Variants in FAM83A observed in about 807,000 individuals in gnomAD.
The protein encoded by FAM83A is protein FAM83A.
A neutral mutation model predicts 24.4 loss-of-function variants in FAM83A; 21 were observed. That is an observed-to-expected ratio of 0.86 (90% CI 0.61 to 1.24). The LOEUF is 1.24. Among genes scored for constraint, FAM83A ranks in the 50% most tolerant of loss-of-function variants. FAM83A has a pLI of 0.00. For synonymous variants in FAM83A, 270 were observed against 252.4 expected (o/e 1.07, Z -0.66); for missense variants, 617 against 579.8 (o/e 1.06, Z -0.66).
chr8:123,207,230 G>A, exon 4 of FAM83A: 2 of 1,612,508 alleles, frequency 1.2e-6, no homozygotes, highest in South Asian at 2.2e-5. Flanking sequence ...GGAGCTGTTT[G>A]ACGAGGAGTT....
chr8:123,184,866 T>G (rs1338487332), intron 1 of FAM83A, among the ~76,000 whole-genome samples: 1 of 152,222 alleles, frequency 6.6e-6, no homozygotes, highest in Non-Finnish European at 1.5e-5. Context: ...AACATGCTGA[T>G]GTTTGGGTTG....
Position 123,209,612 on chromosome 8 carries a change from G to T in FAM83A, c.*1924G>T. On this transcript the variant is annotated 3_prime_UTR_variant, in exon 4 of 4. Coordinates refer to ENST00000690554, the Ensembl canonical transcript of FAM83A. The surrounding 1 kb of genome is among the most constrained non-coding windows in gnomAD (Gnocchi z 4.7). ...CATCTGCTGAGAAAGTTTAAGGAAG[G>T]CAAAGCTTGCCAGGTCACAGAAGCT... is the stretch of plus-strand genomic sequence containing the variant. 3 of 1,566,526 alleles carry T rather than the reference G, an allele frequency of 1.9e-6. No homozygotes were observed. In the Admixed American group the frequency reaches 5.3e-5, roughly 27 times the overall value.
chr8:123,187,232 G>A (rs1475139108), intron 1 of FAM83A, among the ~76,000 whole-genome samples: 2 of 152,186 alleles, frequency 1.3e-5, no homozygotes, highest in Non-Finnish European at 2.9e-5. Context: ...AGGAATAGAG[G>A]CTGTCGGGGC....
chr8:123,183,307 G>A (rs143357945), exon 1 of FAM83A: 47 of 1,612,532 alleles, frequency 2.9e-5, no homozygotes, highest in Non-Finnish European at 3.7e-5. Context: ...CAGAGACCTC[G>A]TCCGCCGCTG....
At chr8:123,204,215 C>T (rs1161409616) in intron 3 of FAM83A, among the ~76,000 whole-genome samples, 5 of 151,808 alleles carry the variant, frequency 3.3e-5, no homozygotes, top group African/African-American at 1.2e-4. Context: ...GAGTTCAAGA[C>T]CAGTCTGGGC....
At chr8:123,203,586 CAAAAAA>C (rs1187426797) in intron 3 of FAM83A, among the ~76,000 whole-genome samples, 237 of 41,170 alleles carry the variant, frequency 5.8e-3, no homozygotes, top group African/African-American at 0.016. Flanking sequence ...AGATCTGTCT[CAAAAAA>C]AAAAAAAAAA....
At chr8:123,183,641 CTCTT>C (rs1246264069) in intron 1 of FAM83A, among the ~76,000 whole-genome samples, 3 of 151,510 alleles carry the variant, frequency 2.0e-5, no homozygotes, top group South Asian at 2.1e-4. Context: ...GGCTTTTCCT[CTCTT>C]TCTTTTTTTT....
chr8:123,208,002 G>A (rs1428354733), exon 4 of FAM83A: 1 of 1,160,086 alleles, frequency 8.6e-7, no homozygotes, highest in African/African-American at 1.6e-5. Context: ...TAATATTAAT[G>A]GCCCCCAAAA....
chr8:123,207,803 A>C, exon 4 of FAM83A: 2 of 1,401,160 alleles, frequency 1.4e-6, no homozygotes, highest in Non-Finnish European at 9.2e-7. Context: ...AGACACTCAA[A>C]ATCACTGCCA....
chr8:123,191,653 G>A (rs1046935457), intron 1 of FAM83A, 150 bp from the exon 2 acceptor site: 2 of 774,156 alleles, frequency 2.6e-6, no homozygotes, highest in South Asian at 1.7e-5. Flanking sequence ...CATTAATCCT[G>A]CCCAGTCAGA....
At chr8:123,205,999 T>C (rs1478193260) in intron 3 of FAM83A, among the ~76,000 whole-genome samples, 1 of 151,640 alleles carries the variant, frequency 6.6e-6, no homozygotes, top group Non-Finnish European at 1.5e-5. Context: ...AAAAATTAGC[T>C]GGGCGTGGTG....
chr8:123,181,172 C>A (rs1257977464), upstream of FAM83A, among the ~76,000 whole-genome samples: 1 of 152,142 alleles, frequency 6.6e-6, no homozygotes, highest in African/African-American at 2.4e-5. Context: ...GTCTTGAACT[C>A]CTGACCTCAA....
chr8:123,209,192 G>A lies in FAM83A; in HGVS notation c.*1504G>A, dbSNP rs562692216. ...CTCTCCTCCCTTGTCGGTTTTTGGC[G>A]GGGAAGCTCAGCCTTCGCTGTGGAG... On this transcript the variant is annotated 3_prime_UTR_variant, in exon 4 of 4. Transcript: ENST00000690554. The surrounding 1 kb of genome is among the most constrained non-coding windows in gnomAD (Gnocchi z 4.7). The A allele has an allele frequency of 2.2e-5, 25 of 1,148,974 alleles. 1 individual carries two copies. The highest frequency in any genetic ancestry group is 1.8e-4 in the South Asian group (5 of 28,518). 71.2% of individuals were successfully genotyped at this position (1,148,974 alleles called of 1,614,324 possible).
At chr8:123,187,415 G>A (rs59628816) in intron 1 of FAM83A, among the ~76,000 whole-genome samples, 4,513 of 152,226 alleles carry the variant, frequency 0.03, 211 homozygotes, top group African/African-American at 0.099. Context: ...GCAGATTCAC[G>A]CAGAAGCGGC....
At chr8:123,207,658 G>A in exon 4 of FAM83A, 3 of 1,531,944 alleles carry the variant, frequency 2.0e-6, no homozygotes, top group South Asian at 1.2e-5. Flanking sequence ...CAACCTGGAG[G>A]CCCTTCCTGC....
intron 3 of FAM83A, among the ~76,000 whole-genome samples, chr8:123,194,714 C>G (rs1824090323): frequency 6.6e-6 from 1 of 152,204 alleles, no homozygotes; most frequent in Non-Finnish European, 1.5e-5. Context: ...AAACTCCTGA[C>G]CTCAGGTGAT....
chr8:123,208,371 T>C (rs997930848), exon 4 of FAM83A: 78 of 985,498 alleles, frequency 7.9e-5, no homozygotes, highest in Non-Finnish European at 8.4e-5. Context: ...CAAGGCAGGT[T>C]AGTAGACTCA....
chr8:123,207,412 C>A, exon 4 of FAM83A: 2 of 1,610,510 alleles, frequency 1.2e-6, no homozygotes, highest in Non-Finnish European at 1.7e-6. Flanking sequence ...CAGGCAGCCA[C>A]CCCGGTACCC....
intron 1 of FAM83A, among the ~76,000 whole-genome samples, chr8:123,183,564 C>T (rs1049803576): frequency 2.6e-5 from 4 of 152,156 alleles, no homozygotes; most frequent in Admixed American, 1.3e-4. Context: ...CTCCCGCAAT[C>T]GCTTCCTGCC....
Sources: gnomAD v4.1 joint callset for allele counts (sites outside exome capture counted in the v4.1 genomes callset) on GRCh38, gnomAD v4.1.1 for gene constraint, Gnocchi (gnomAD v3.1) non-coding constraint, MANE v1.5 for transcripts, NCBI Gene and HGNC (gene_info 2026-07-23, HGNC 2026-07-21) for gene names.